PARN: variants seen among roughly 807,000 people sequenced by gnomAD.
PARN encodes the protein poly(A)-specific ribonuclease PARN.
A neutral mutation model predicts 102.8 loss-of-function variants in PARN; 71 were observed. That is an observed-to-expected ratio of 0.69 (90% CI 0.57 to 0.84). The LOEUF is 0.84. Ranked by LOEUF, PARN falls within the 40% of genes least tolerant of loss-of-function variation. The pLI is 0.00. For synonymous variants in PARN, 261 were observed against 252.9 expected (o/e 1.03, Z -0.30); for missense variants, 782 against 760.9 (o/e 1.03, Z -0.33).
intron 5 of PARN, among the ~76,000 whole-genome samples, chr16:14,625,192 A>T (rs986879754): frequency 6.6e-5 from 10 of 151,228 alleles, no homozygotes; most frequent in Admixed American, 2.0e-4. Context: ...CTCAATGAAA[A>T]TTTACCAAAA....
intron 18 of PARN, among the ~76,000 whole-genome samples, chr16:14,573,649 G>A (rs1000904285): frequency 6.6e-6 from 1 of 152,192 alleles, no homozygotes; most frequent in African/African-American, 2.4e-5. Context: ...ATTCCTACAT[G>A]TTGTGGGAGG....
At chr16:14,463,271 T>C (rs976280424) in intron 22 of PARN, among the ~76,000 whole-genome samples, 6 of 152,100 alleles carry the variant, frequency 3.9e-5, no homozygotes, top group Non-Finnish European at 5.9e-5. Flanking sequence ...CTCAACGACA[T>C]ACTGGAAACA....
At chr16:14,604,514 GTC>G (rs1971069367) in intron 10 of PARN, among the ~76,000 whole-genome samples, 1 of 152,106 alleles carries the variant, frequency 6.6e-6, no homozygotes, top group Non-Finnish European at 1.5e-5. Context: ...ACCCGCCTCA[GTC>G]TCCCAAAGTG....
chr16:14,523,380 A>G (rs1965839201), intron 21 of PARN, among the ~76,000 whole-genome samples: 1 of 152,146 alleles, frequency 6.6e-6, no homozygotes, highest in Non-Finnish European at 1.5e-5. Flanking sequence ...CAGTTAGAAA[A>G]TGTACTTTCA....
chr16:14,617,694 G>A (rs765259655), intron 5 of PARN, 44 bp from the exon 6 acceptor site: 11 of 1,172,570 alleles, frequency 9.4e-6, no homozygotes, highest in East Asian at 2.3e-5. Flanking sequence ...GATGTTAGCG[G>A]CAGGAATATA....
chr16:14,537,992 G>C (rs552072164), intron 21 of PARN, among the ~76,000 whole-genome samples: 1 of 152,116 alleles, frequency 6.6e-6, no homozygotes, highest in African/African-American at 2.4e-5. Flanking sequence ...TGATGGATAT[G>C]CTAATGATTT....
chr16:14,503,050 T>C (rs1423091301), intron 21 of PARN, among the ~76,000 whole-genome samples: 3 of 152,166 alleles, frequency 2.0e-5, no homozygotes, highest in African/African-American at 7.2e-5. Flanking sequence ...ACGGTAGAGA[T>C]ATTTCACCTT....
At chr16:14,520,167 T>C (rs1050083272) in intron 21 of PARN, among the ~76,000 whole-genome samples, 2 of 152,278 alleles carry the variant, frequency 1.3e-5, no homozygotes, top group South Asian at 4.1e-4. Flanking sequence ...CTGTAAGAAA[T>C]GCTACAGGAC....
chr16:14,528,379 T>G (rs913919337), intron 21 of PARN, among the ~76,000 whole-genome samples: 1 of 152,162 alleles, frequency 6.6e-6, no homozygotes. Flanking sequence ...GAAAGACAAC[T>G]AAAAATCATT....
At chr16:14,497,975 T>C (rs889376927) in intron 21 of PARN, among the ~76,000 whole-genome samples, 13 of 152,056 alleles carry the variant, frequency 8.5e-5, no homozygotes, top group African/African-American at 2.9e-4. Context: ...AATACAGAAA[T>C]GAGCTGGGTG....
chr16:14,597,361 G>A (rs1258180098), intron 12 of PARN, among the ~76,000 whole-genome samples: 1 of 152,018 alleles, frequency 6.6e-6, no homozygotes, highest in Non-Finnish European at 1.5e-5. Flanking sequence ...TAATTTCACA[G>A]AACACAAATC....
At position 14,532,220 on chromosome 16, in the gene PARN, G is replaced by A. The variant is rs573892496; in HGVS notation, c.1480+19801C>T. Among the ~76,000 whole-genome samples, 101 of 143,194 alleles carry A rather than the reference G, an allele frequency of 7.1e-4. No homozygotes were observed. In the South Asian group the frequency reaches 0.014, roughly 19 times the overall value. The allele number at this position is 143,194 out of a possible 152,430, so 93.9% of individuals were successfully genotyped here. ...AATTGTTCATTCTTGGGTGTTTCTCGCAGAGGGGGATTTGGCAGGGTCATA... is the reference window on the plus strand; with the variant it reads ...AATTGTTCATTCTTGGGTGTTTCTCACAGAGGGGGATTTGGCAGGGTCATA... On this transcript the variant is annotated intron_variant, in intron 21 of 23. Transcript: ENST00000437198.
intron 22 of PARN, among the ~76,000 whole-genome samples, chr16:14,471,657 T>G (rs1287949092): frequency 6.6e-6 from 1 of 152,080 alleles, no homozygotes; most frequent in African/African-American, 2.4e-5. Flanking sequence ...CAACTCCCCA[T>G]TCCCACCTCT....
intron 13 of PARN, 142 bp downstream of exon 13, chr16:14,593,159 C>T: frequency 1.8e-6 from 1 of 565,790 alleles, no homozygotes; most frequent in Non-Finnish European, 3.1e-6. Context: ...CAACTGAGTG[C>T]ATAAGATTCT....
chr16:14,621,285 G>A lies in PARN; in HGVS notation c.328-3635C>T, dbSNP rs141366932. Among the ~76,000 whole-genome samples the A allele has an allele frequency of 6.4e-4, 97 of 152,194 alleles. No individual in the cohort carries two copies. In the East Asian group the frequency reaches 0.011, roughly 18 times the overall value. On this transcript the variant is annotated intron_variant, in intron 5 of 23. Coordinates refer to ENST00000437198, the MANE Select transcript of PARN (RefSeq NM_002582.4). ...GGCACTGAAACACAAACTGTGGAAG[G>A]CATTTTTGTCCTTCTAGTACTAGAC... is the stretch of plus-strand genomic sequence containing the variant.
intron 18 of PARN, among the ~76,000 whole-genome samples, chr16:14,559,125 C>G (rs906478591): frequency 1.3e-5 from 2 of 151,882 alleles, no homozygotes; most frequent in Non-Finnish European, 2.9e-5. Flanking sequence ...GGGACCTCAA[C>G]AACAAATTTA....
In PARN at chr16:14,617,876, A is replaced by G. The variant is rs574695274; in HGVS notation, c.328-226T>C. On this transcript the variant is annotated intron_variant, in intron 5 of 23. Transcript: ENST00000437198. ...TTACAAAACAAACATCCTTTGTTTCACAATTTTTTTTTTATAGACAGGGTC... is the reference window on the plus strand; with the variant it reads ...TTACAAAACAAACATCCTTTGTTTCGCAATTTTTTTTTTATAGACAGGGTC... 1.8e-4 allele frequency among the ~76,000 whole-genome samples: 27 copies of G among 152,308 alleles called. 1 individual carries two copies. In the South Asian group the frequency reaches 5.6e-3, roughly 32 times the overall value.
intron 22 of PARN, among the ~76,000 whole-genome samples, chr16:14,470,162 T>C (rs1375912482): frequency 6.6e-6 from 1 of 152,150 alleles, no homozygotes; most frequent in African/African-American, 2.4e-5. Flanking sequence ...CATATAAGTA[T>C]AAGGTGATGT....
intron 21 of PARN, among the ~76,000 whole-genome samples, chr16:14,528,623 G>C (rs895486406): frequency 6.6e-6 from 1 of 152,154 alleles, no homozygotes; most frequent in African/African-American, 2.4e-5. Flanking sequence ...ACTGATGTGG[G>C]GGGGAAAGTG....
Sources: allele counts gnomAD v4.1 joint callset (sites outside exome capture counted in the v4.1 genomes callset), GRCh38; gene constraint gnomAD v4.1.1; transcripts MANE v1.5; gene names NCBI Gene and HGNC (gene_info 2026-07-23, HGNC 2026-07-21).